HOMER2: variants seen among roughly 807,000 people sequenced by gnomAD.
HOMER2 encodes homer protein homolog 2.
Under a neutral mutation model 47.0 loss-of-function variants are expected in HOMER2, and 27 were observed. The ratio of observed to expected loss-of-function variants is 0.57; its 90% CI spans 0.42 to 0.79. The LOEUF (loss-of-function observed/expected upper bound fraction) is 0.79. Among genes scored for constraint, HOMER2 ranks in the 30% least tolerant of loss-of-function variants. The pLI, the probability that HOMER2 is intolerant of heterozygous loss-of-function variation, is 0.00. For missense variants in HOMER2, 443 were observed against 435.0 expected (o/e 1.02, Z -0.16); for synonymous variants, 161 against 163.8 (o/e 0.98, Z 0.13).
At chr15:82,971,513 C>T (rs1283863252) in intron 1 of HOMER2, among the ~76,000 whole-genome samples, 4 of 152,008 alleles carry the variant, frequency 2.6e-5, no homozygotes, top group African/African-American at 9.7e-5. Context: ...TACTTTGACA[C>T]CATTTTCAAA....
chr15:82,901,647 G>C (rs1225088804), intron 1 of HOMER2, among the ~76,000 whole-genome samples: 2 of 152,216 alleles, frequency 1.3e-5, no homozygotes, highest in Non-Finnish European at 2.9e-5. Flanking sequence ...GGTGGCAGGA[G>C]ATGAGGTCTC....
At chr15:82,893,774 A>G (rs1452264717) in intron 1 of HOMER2, among the ~76,000 whole-genome samples, 2 of 151,866 alleles carry the variant, frequency 1.3e-5, no homozygotes, top group African/African-American at 4.8e-5. Context: ...GGCACGTGAC[A>G]CCACACTTGG....
At chr15:82,875,188 C>T (rs1213146973) in intron 3 of HOMER2, 85 bp downstream of exon 3, 2 of 1,495,866 alleles carry the variant, frequency 1.3e-6, no homozygotes, top group Non-Finnish European at 1.8e-6. Flanking sequence ...TCCTGCTCAC[C>T]AAGGGCACAT....
chr15:82,925,728 T>C (rs998416413), intron 1 of HOMER2, among the ~76,000 whole-genome samples: 3 of 152,132 alleles, frequency 2.0e-5, no homozygotes, highest in African/African-American at 7.2e-5. Flanking sequence ...ATACCTATTA[T>C]TTGCTTTCAT....
At chr15:82,966,676 T>C (rs1318317644) in intron 1 of HOMER2, among the ~76,000 whole-genome samples, 1 of 152,230 alleles carries the variant, frequency 6.6e-6, no homozygotes, top group African/African-American at 2.4e-5. Context: ...AGGGTTAACC[T>C]GGGACCTCTC....
At chr15:82,881,458 A>G (rs2052519077) in intron 2 of HOMER2, among the ~76,000 whole-genome samples, 1 of 152,194 alleles carries the variant, frequency 6.6e-6, no homozygotes, top group Admixed American at 6.5e-5. Flanking sequence ...CAATAAAAAG[A>G]CATGTTGCCT....
downstream of HOMER2, among the ~76,000 whole-genome samples, chr15:82,836,462 C>T (rs1207712135): frequency 1.3e-5 from 2 of 152,262 alleles, no homozygotes; most frequent in East Asian, 3.8e-4. Flanking sequence ...TTCCTGCCTG[C>T]CCCCAAAGGG....
intron 1 of HOMER2, among the ~76,000 whole-genome samples, chr15:82,970,233 G>C (rs72755947): frequency 1.3e-5 from 2 of 152,220 alleles, no homozygotes; most frequent in East Asian, 3.8e-4. Context: ...GGACAGAGCT[G>C]TCAGCAGGGC....
intron 1 of HOMER2, among the ~76,000 whole-genome samples, chr15:82,893,628 T>TTG (rs2052800748): frequency 6.7e-6 from 1 of 149,902 alleles, no homozygotes; most frequent in Non-Finnish European, 1.5e-5. Context: ...ACTGCGCCTT[T>TTG]TTTTTTTTTT....
At chr15:82,851,275 T>A (rs767603838) in intron 7 of HOMER2, 44 bp from the exon 8 acceptor site, 1 of 1,324,536 alleles carries the variant, frequency 7.5e-7, no homozygotes, top group Admixed American at 2.0e-5. Flanking sequence ...GCAAGTCAGA[T>A]AAAATATATT....
chr15:82,966,474 C>T (rs567480780), intron 1 of HOMER2, among the ~76,000 whole-genome samples: 1 of 152,294 alleles, frequency 6.6e-6, no homozygotes, highest in South Asian at 2.1e-4. Context: ...CCAGTGCACA[C>T]CCTGTTGCTC....
intron 1 of HOMER2, among the ~76,000 whole-genome samples, chr15:82,929,072 T>C (rs951340746): frequency 6.6e-6 from 1 of 151,460 alleles, no homozygotes; most frequent in Non-Finnish European, 1.5e-5. Context: ...GTGAGCAATG[T>C]GGGCTTTGGG....
chr15:82,955,935 A>C (rs1296503377), upstream of HOMER2, among the ~76,000 whole-genome samples: 2 of 152,130 alleles, frequency 1.3e-5, no homozygotes, highest in African/African-American at 4.8e-5. Context: ...CCTGTTGAAG[A>C]GACATTTAAA....
downstream of HOMER2, chr15:82,834,733 T>TGCATTA (rs2051104285): frequency 6.6e-6 from 1 of 152,570 alleles, no homozygotes; most frequent in Non-Finnish European, 1.5e-5. Context: ...CTATTTGCAA[T>TGCATTA]GCATTAGCAT....
At chr15:82,971,675 C>A (rs964053114) in intron 1 of HOMER2, among the ~76,000 whole-genome samples, 5 of 151,920 alleles carry the variant, frequency 3.3e-5, no homozygotes, top group African/African-American at 1.2e-4. Flanking sequence ...AACTATGGCT[C>A]TTGCCATTAA....
rs751767033 is a variant in HOMER2 at position 82,859,147 on chromosome 15, A to G, written c.388-12T>C. ...TTGACACTGGATGCCTGAGTAGAAG[A>G]TGGGGTTTCACGCCCAGATTCCTGG... On this transcript the variant is annotated splice_polypyrimidine_tract_variant and intron_variant, in intron 4 of 8. Coordinates refer to ENST00000450735, the MANE Select transcript of HOMER2 (RefSeq NM_004839.4). The G allele has an allele frequency of 2.0e-5, 33 of 1,613,980 alleles. 1 individual carries two copies. The South Asian group carries it at 3.4e-4, about 17-fold the overall frequency.
At chr15:82,864,093 G>C (rs930154719) in intron 4 of HOMER2, 74 bp downstream of exon 4, 2 of 906,886 alleles carry the variant, frequency 2.2e-6, no homozygotes, top group Non-Finnish European at 1.7e-6. Flanking sequence ...CCTATTTCTG[G>C]CCAGAAGTGA....
chr15:82,917,544 C>T (rs1386145302), intron 1 of HOMER2, among the ~76,000 whole-genome samples: 1 of 152,198 alleles, frequency 6.6e-6, no homozygotes, highest in Non-Finnish European at 1.5e-5. Context: ...AAGGTGCAAG[C>T]GGGGAAGATC....
chr15:82,854,220 C>T (rs1472903399), intron 6 of HOMER2, among the ~76,000 whole-genome samples: 1 of 152,110 alleles, frequency 6.6e-6, no homozygotes, highest in Non-Finnish European at 1.5e-5. Flanking sequence ...GCCTGGCCAA[C>T]TTGGTGAAAC....
Sources: gnomAD v4.1 joint callset for allele counts (sites outside exome capture counted in the v4.1 genomes callset) on GRCh38, gnomAD v4.1.1 for gene constraint, MANE v1.5 for transcripts, NCBI Gene and HGNC (gene_info 2026-07-23, HGNC 2026-07-21) for gene names.